Variants in CCSER1 observed in about 807,000 individuals in gnomAD.
CCSER1 encodes the protein coiled-coil serine rich protein 1.
CCSER1 carries 41 observed loss-of-function variants against 82.0 expected under a neutral mutation model. The ratio of observed to expected loss-of-function variants is 0.50; its 90% CI spans 0.39 to 0.65. CCSER1 has a LOEUF of 0.65. Ranked by LOEUF, CCSER1 falls within the 30% of genes least tolerant of loss-of-function variation. CCSER1 has a pLI of 0.00. For missense variants in CCSER1, 1,119 were observed against 1,064.2 expected (o/e 1.05, Z -0.72); for synonymous variants, 414 against 383.9 (o/e 1.08, Z -0.92).
At chr4:91,513,044 G>T (rs911938845) in intron 10 of CCSER1, among the ~76,000 whole-genome samples, 8 of 152,032 alleles carry the variant, frequency 5.3e-5, no homozygotes, top group African/African-American at 1.7e-4. Flanking sequence ...TTTTGTTCCA[G>T]TTCTCAAGGG....
chr4:91,050,264 CTA>C (rs1742879206), intron 9 of CCSER1, among the ~76,000 whole-genome samples: 1 of 152,032 alleles, frequency 6.6e-6, no homozygotes, highest in African/African-American at 2.4e-5. Flanking sequence ...AACCCTGTCT[CTA>C]TTAAAAATAC....
chr4:91,152,897 C>T (rs1730389787), intron 10 of CCSER1, among the ~76,000 whole-genome samples: 1 of 152,038 alleles, frequency 6.6e-6, no homozygotes, highest in African/African-American at 2.4e-5. Flanking sequence ...CGCTGTTAGG[C>T]TTCCCTATTT....
At chr4:91,033,409 C>T (rs1290007598) in intron 9 of CCSER1, among the ~76,000 whole-genome samples, 1 of 152,122 alleles carries the variant, frequency 6.6e-6, no homozygotes, top group Non-Finnish European at 1.5e-5. Flanking sequence ...TCCCACTTCT[C>T]TCTTCCTTTG....
At chr4:91,315,857 T>C (rs1456229516) in intron 10 of CCSER1, among the ~76,000 whole-genome samples, 1 of 151,974 alleles carries the variant, frequency 6.6e-6, no homozygotes, top group Non-Finnish European at 1.5e-5. Context: ...TTATCTGAGT[T>C]CTCTGTGAAA....
intron 5 of CCSER1, among the ~76,000 whole-genome samples, chr4:90,557,122 C>T (rs1397081877): frequency 6.6e-6 from 1 of 151,784 alleles, no homozygotes; most frequent in Non-Finnish European, 1.5e-5. Context: ...AGATTTATAA[C>T]TTCCAGTGTT....
intron 10 of CCSER1, among the ~76,000 whole-genome samples, chr4:91,451,965 T>C (rs555665025): frequency 2.6e-5 from 4 of 152,112 alleles, no homozygotes; most frequent in African/African-American, 9.6e-5. Context: ...GCCAACAATA[T>C]CTTAGTTGTG....
At chr4:91,370,663 T>C (rs952344526) in intron 10 of CCSER1, among the ~76,000 whole-genome samples, 1 of 151,536 alleles carries the variant, frequency 6.6e-6, no homozygotes, top group African/African-American at 2.4e-5. Flanking sequence ...GCCATTGCAC[T>C]CCAGCCTGGG....
chr4:90,214,022 T>C (rs1740545183), intron 1 of CCSER1, among the ~76,000 whole-genome samples: 1 of 152,208 alleles, frequency 6.6e-6, no homozygotes, highest in Non-Finnish European at 1.5e-5. Flanking sequence ...TAATACATTA[T>C]GTTTATAAGG....
chr4:91,103,800 C>T (rs552563174), intron 10 of CCSER1, among the ~76,000 whole-genome samples: 88 of 152,162 alleles, frequency 5.8e-4, no homozygotes, highest in Middle Eastern at 3.4e-3. Context: ...AAGAGAATAA[C>T]AGCGATTTTT....
At chr4:91,083,617 TTAATGAGAAGTA>T (rs1405138482) in intron 9 of CCSER1, among the ~76,000 whole-genome samples, 2 of 151,826 alleles carry the variant, frequency 1.3e-5, no homozygotes, top group African/African-American at 4.8e-5. Context: ...TGTCAAGGAT[TTAATGAGAAGTA>T]TAAAGAGAAG....
intron 1 of CCSER1, among the ~76,000 whole-genome samples, chr4:90,253,208 A>G (rs541817883): frequency 6.6e-6 from 1 of 152,200 alleles, no homozygotes; most frequent in South Asian, 2.1e-4. Context: ...TATTGTAAAA[A>G]ATAGCTTTTA....
chr4:90,756,928 T>C (rs1412453966), intron 7 of CCSER1, among the ~76,000 whole-genome samples: 2 of 152,230 alleles, frequency 1.3e-5, no homozygotes, highest in Non-Finnish European at 2.9e-5. Context: ...TTATGTGTAC[T>C]TTATTCCACT....
Position 91,296,483 on chromosome 4 carries a change from A to ATATATATATATATATATATATTTATT in CCSER1, c.2217+210492_2217+210493insATATATATATATATATATTTATTTAT, listed in dbSNP as rs1175690764. On this transcript the variant is annotated intron_variant, in intron 10 of 10. Transcript: ENST00000509176. ...TATATATATGTATATATATATATAT[A>ATATATATATATATATATATATTTATT]TATTTTAATTAAATATACAGTTATC... 3.4e-3 allele frequency among the ~76,000 whole-genome samples: 424 copies of ATATATATATATATATATATATTTATT among 123,668 alleles called. 28 individuals are homozygous for ATATATATATATATATATATATTTATT. The highest frequency in any genetic ancestry group is 5.2e-3 in the African/African-American group (151 of 29,098). 81.1% of individuals were successfully genotyped at this position (123,668 alleles called of 152,430 possible). A position where few individuals can be genotyped will look rare whatever the true frequency, so the allele number is the denominator to read the frequency against.
At chr4:90,406,718 C>T (rs1478957082) in intron 4 of CCSER1, among the ~76,000 whole-genome samples, 1 of 152,098 alleles carries the variant, frequency 6.6e-6, no homozygotes, top group East Asian at 1.9e-4. Flanking sequence ...CAAAACCATG[C>T]AAATACATGG....
At chr4:90,202,559 G>A (rs2153407023) in intron 1 of CCSER1, among the ~76,000 whole-genome samples, 1 of 152,308 alleles carries the variant, frequency 6.6e-6, no homozygotes, top group Admixed American at 6.5e-5. Flanking sequence ...GCTGGACTAA[G>A]GGTCTCATTT....
intron 10 of CCSER1, among the ~76,000 whole-genome samples, chr4:91,201,394 A>G (rs916105500): frequency 1.3e-5 from 2 of 152,110 alleles, no homozygotes; most frequent in African/African-American, 2.4e-5. Context: ...AAATGAATGA[A>G]AGATTCATGT....
At chr4:91,116,498 G>A (rs1289456744) in intron 10 of CCSER1, among the ~76,000 whole-genome samples, 1 of 152,198 alleles carries the variant, frequency 6.6e-6, no homozygotes, top group East Asian at 1.9e-4. Flanking sequence ...ATTAGAAACA[G>A]TAATGAGCCT....
chr4:91,083,626 A>C (rs568341006), intron 9 of CCSER1, among the ~76,000 whole-genome samples: 1 of 152,166 alleles, frequency 6.6e-6, no homozygotes, highest in African/African-American at 2.4e-5. Flanking sequence ...TTTAATGAGA[A>C]GTATAAAGAG....
chr4:91,156,614 A>T (rs1056893793), intron 10 of CCSER1, among the ~76,000 whole-genome samples: 4 of 151,820 alleles, frequency 2.6e-5, no homozygotes, highest in Non-Finnish European at 5.9e-5. Context: ...ATATTCAAAA[A>T]TTTTGAGCAA....
Sources: allele counts gnomAD v4.1 joint callset (sites outside exome capture counted in the v4.1 genomes callset), GRCh38; gene constraint gnomAD v4.1.1; transcripts MANE v1.5; gene names NCBI Gene and HGNC (gene_info 2026-07-23, HGNC 2026-07-21).